Variants in MIDEAS observed in about 807,000 individuals in gnomAD.
MIDEAS encodes the protein mitotic deacetylase associated SANT domain protein, also known as mitotic deacetylase-associated SANT domain protein.
A neutral mutation model predicts 102.7 loss-of-function variants in MIDEAS; 26 were observed. That is an observed-to-expected ratio of 0.25 (90% CI 0.19 to 0.35). The LOEUF (loss-of-function observed/expected upper bound fraction) is 0.35, where lower values mean the gene tolerates loss of function less well. Among genes scored for constraint, MIDEAS ranks in the 10% least tolerant of loss-of-function variants. The pLI is 1.00. For synonymous variants in MIDEAS, 585 were observed against 591.0 expected, an observed-to-expected ratio of 0.99 and a Z score of 0.15; for missense variants, 1,231 against 1,435.6, an observed-to-expected ratio of 0.86 and a Z score of 2.30.
chr14:73,735,985 C>T lies in MIDEAS; in HGVS notation c.1749+1013G>A, dbSNP rs377510619. On this transcript the variant is annotated intron_variant, in intron 3 of 12. Coordinates refer to ENST00000423556, the MANE Select transcript of MIDEAS (RefSeq NM_001367710.1). ...TAACCTGGCCAACATGGTGAAACCCCGCCTCTACTAAAAATACGAAAATTA... is the reference window on the plus strand; with the variant it reads ...TAACCTGGCCAACATGGTGAAACCCTGCCTCTACTAAAAATACGAAAATTA... Among the ~76,000 whole-genome samples the T allele has an allele frequency of 3.9e-5, 6 of 152,070 alleles. No individual in the cohort carries two copies. The South Asian group carries it at 8.3e-4, about 21-fold the overall frequency.
intron 1 of MIDEAS, among the ~76,000 whole-genome samples, chr14:73,784,397 G>A (rs1159994414): frequency 1.3e-5 from 2 of 152,250 alleles, no homozygotes; most frequent in Non-Finnish European, 2.9e-5. Flanking sequence ...CTGCCATTGG[G>A]AACTGAAGGT....
upstream of MIDEAS, among the ~76,000 whole-genome samples, chr14:73,787,692 T>TA (rs2053830991): frequency 6.6e-6 from 1 of 152,188 alleles, no homozygotes; most frequent in South Asian, 2.1e-4. Context: ...AAGTGGGCCT[T>TA]AAAACAAGGG....
Position 73,719,449 on chromosome 14 carries a change from G to A in MIDEAS, c.2990C>T (p.Ala997Val), listed in dbSNP as rs893795015. 6.8e-6 allele frequency: 11 copies of A among 1,614,058 alleles called. No homozygotes were observed. The highest frequency in any genetic ancestry group is 3.3e-5 in the Admixed American group (2 of 60,012). Reference protein sequence around the residue: ...RSHESNAPGSAGGQASEKPRE... With the variant: ...RSHESNAPGSVGGQASEKPRE... ...TGGCTTCTCCGAGGCCTGGCCACCG[G>A]CAGACCCAGGGGCGTTGGACTCGTG... Residue 997 changes from alanine to valine, a missense_variant, in exon 12 of 13, where the codon GCC becomes GTC. This residue lies in a region of MIDEAS where 391 missense variants were observed against 483.0 expected (regional missense o/e 0.81). Transcript: ENST00000423556.
intron 1 of MIDEAS, among the ~76,000 whole-genome samples, chr14:73,784,365 G>C (rs141082478): frequency 6.6e-6 from 1 of 152,228 alleles, no homozygotes; most frequent in Non-Finnish European, 1.5e-5. Context: ...CCAGGGAAAG[G>C]GCCTGAGTTA....
intron 1 of MIDEAS, among the ~76,000 whole-genome samples, chr14:73,741,870 G>C (rs891547575): frequency 2.0e-5 from 3 of 152,152 alleles, no homozygotes; most frequent in Non-Finnish European, 4.4e-5. Flanking sequence ...TATGAAGCTG[G>C]AGGGAGGGAG....
Position 73,725,025 on chromosome 14 carries a change from C to T in MIDEAS, c.2574+247G>A. On this transcript the variant is annotated intron_variant, in intron 9 of 12. Transcript: ENST00000423556. The surrounding 1 kb of genome is among the most constrained non-coding windows in gnomAD (Gnocchi z 4.1). ...TTTTAAGTCTGATGCCCACTTAGGC[C>T]TCCTTCTGGATTGAGACCCCAGAGC... 1 of 383,662 alleles carries T rather than the reference C, an allele frequency of 2.6e-6. No individual in the cohort carries two copies. Among genetic ancestry groups the T allele is most frequent in the South Asian group, 2.6e-5 (1 of 38,400 alleles). The allele number at this position is 383,662 out of a possible 1,614,324, so 23.8% of individuals were successfully genotyped here. A position where few individuals can be genotyped will look rare whatever the true frequency, so the allele number is the denominator to read the frequency against.
Position 73,753,929 on chromosome 14 carries a change from C to T in MIDEAS, c.-248+5834G>A, listed in dbSNP as rs187287645. ...GAGCTTCCAGGCCCAAAGGATGAGC[C>T]GCCACCTCCTGGATTCACTCTAAGA... On this transcript the variant is annotated intron_variant, in intron 1 of 12. Transcript: ENST00000423556. Among the ~76,000 whole-genome samples the T allele has an allele frequency of 4.7e-4, 69 of 147,130 alleles. 1 individual carries two copies. Among genetic ancestry groups the T allele is most frequent in the African/African-American group, 1.5e-3 (60 of 40,462 alleles).
At chr14:73,771,463 A>T (rs1038292785) in intron 1 of MIDEAS, among the ~76,000 whole-genome samples, 1 of 152,190 alleles carries the variant, frequency 6.6e-6, no homozygotes, top group South Asian at 2.1e-4. Flanking sequence ...GGCTGGTCAC[A>T]GCAACGGGAT....
upstream of MIDEAS, among the ~76,000 whole-genome samples, chr14:73,761,294 C>G (rs1040635067): frequency 1.4e-4 from 22 of 152,210 alleles, no homozygotes; most frequent in Non-Finnish European, 2.9e-5. Context: ...ATGATTCTCA[C>G]ACACTCACTG....
chr14:73,771,449 C>A (rs2053641645), intron 1 of MIDEAS, among the ~76,000 whole-genome samples: 1 of 152,178 alleles, frequency 6.6e-6, no homozygotes, highest in Non-Finnish European at 1.5e-5. Context: ...TGGTCACATT[C>A]CTGGGCTGGT....
At chr14:73,775,902 A>G (rs2053684355) in intron 1 of MIDEAS, among the ~76,000 whole-genome samples, 2 of 151,912 alleles carry the variant, frequency 1.3e-5, no homozygotes, top group African/African-American at 4.8e-5. Flanking sequence ...ACAAAGCTGT[A>G]GCTCCTTTAG....
upstream of MIDEAS, among the ~76,000 whole-genome samples, chr14:73,788,704 T>TC (rs2053841462): frequency 6.6e-6 from 1 of 152,238 alleles, no homozygotes; most frequent in African/African-American, 2.4e-5. Flanking sequence ...CTGAAATTCT[T>TC]CTTACATCAC....
chr14:73,753,281 C>CAG (rs1286225587), intron 1 of MIDEAS, among the ~76,000 whole-genome samples: 22 of 152,350 alleles, frequency 1.4e-4, no homozygotes, highest in African/African-American at 5.0e-4. Flanking sequence ...AAGATATCTC[C>CAG]CCTACCAGCC....
At chr14:73,734,289 A>C (rs912556896) in intron 3 of MIDEAS, among the ~76,000 whole-genome samples, 1 of 152,062 alleles carries the variant, frequency 6.6e-6, no homozygotes, top group Non-Finnish European at 1.5e-5. Flanking sequence ...GGCCCAGGAT[A>C]CATGTTTTAA....
At chr14:73,753,836 A>T (rs1399212470) in intron 1 of MIDEAS, among the ~76,000 whole-genome samples, 1 of 151,524 alleles carries the variant, frequency 6.6e-6, no homozygotes. Context: ...CTTTAAACTC[A>T]GCTATGCCAG....
At position 73,718,900 on chromosome 14, in the gene MIDEAS, G is replaced by GGCGGCA; in HGVS notation, c.3237_3242dup (p.Ala1083_Ala1084dup). Reference sequence around the variant, plus strand: ...GCAGGGCCTGCTGGTGGGCGGCGGCGGCGGCAGCAGCGGCCTCTTTCTCCT... The same window carrying GGCGGCA: ...GCAGGGCCTGCTGGTGGGCGGCGGCGGCGGCAGCGGCAGCAGCGGCCTCTTTCTCCT... On this transcript the variant is annotated inframe_insertion, in exon 13 of 13. Coordinates refer to ENST00000423556, the MANE Select transcript of MIDEAS (RefSeq NM_001367710.1). 2 of 1,520,468 alleles carry GGCGGCA rather than the reference G, an allele frequency of 1.3e-6. No individual in the cohort carries two copies. Among genetic ancestry groups the GGCGGCA allele is most frequent in the Non-Finnish European group, 1.8e-6 (2 of 1,140,770 alleles). The allele number at this position is 1,520,468 out of a possible 1,614,324, so 94.2% of individuals were successfully genotyped here.
At position 73,739,423 on chromosome 14, in the gene MIDEAS, C is replaced by A; in HGVS notation, c.586G>T (p.Ala196Ser). The A allele has an allele frequency of 6.3e-7, 1 of 1,582,470 alleles. No homozygotes were observed. Among genetic ancestry groups the A allele is most frequent in the Non-Finnish European group, 8.6e-7 (1 of 1,162,918 alleles). Residue 196 changes from alanine to serine, a missense_variant, in exon 2 of 13, where the codon GCA (alanine) becomes TCA (serine). Around this residue, in one of 5 missense-constraint regions of MIDEAS, gnomAD observed 758 missense variants for 856.0 expected, o/e 0.89. Coordinates refer to ENST00000423556, the MANE Select transcript of MIDEAS (RefSeq NM_001367710.1). ...GCTGCGTGGAAAGAATTCAGGGGTG[C>A]CTGGGGCCGCCCTACCTCCAGCTGC... ...KVQLEVGRPQ[A>S]PLNSFHAAKK...
Position 73,737,316 on chromosome 14 carries a change from G to A in MIDEAS, c.1450-19C>T. The A allele has an allele frequency of 6.3e-7, 1 of 1,597,512 alleles. No individual in the cohort carries two copies. Among genetic ancestry groups the A allele is most frequent in the Non-Finnish European group, 8.6e-7 (1 of 1,166,878 alleles). The stretch of plus-strand genomic sequence containing the variant: ...TGCCATCCTGGACAAGATGGGAACA[G>A]AAGTGCAATTTAAAAGGTAAGTCAT... On this transcript the variant is annotated intron_variant, in intron 2 of 12. Transcript: ENST00000423556.
intron 1 of MIDEAS, among the ~76,000 whole-genome samples, chr14:73,756,295 T>TGTGTGTGTGTGTGTGTGTGTGCGCGC (rs55692592): frequency 1.6e-5 from 2 of 127,626 alleles, no homozygotes; most frequent in African/African-American, 5.4e-5. Context: ...TGTGTGTGTG[T>TGTGTGTGTGTGTGTGTGTGTGCGCGC]GCGCGCGCGC....
Sources: allele counts gnomAD v4.1 joint callset (sites outside exome capture counted in the v4.1 genomes callset), GRCh38; gene constraint gnomAD v4.1.1; regional missense constraint gnomAD v4.1.1; non-coding constraint Gnocchi (gnomAD v3.1); transcripts MANE v1.5; gene names NCBI Gene and HGNC (gene_info 2026-07-23, HGNC 2026-07-21).